The following RFXANK variants were observed in gnomAD, a reference collection of about 807,000 sequenced individuals.
RFXANK encodes the protein regulatory factor X associated ankyrin containing protein.
A neutral mutation model predicts 34.5 loss-of-function variants in RFXANK; 19 were observed. The observed-to-expected ratio is 0.55, with a 90% CI of 0.38 to 0.81. RFXANK has a LOEUF of 0.81. Among genes scored for constraint, RFXANK ranks in the 30% least tolerant of loss-of-function variants. RFXANK has a pLI of 0.00. For synonymous variants in RFXANK, 154 were observed against 149.8 expected, an observed-to-expected ratio of 1.03 and a Z score of -0.20; for missense variants, 295 against 343.5, an observed-to-expected ratio of 0.86 and a Z score of 1.12.
At chr19:19,197,662 G>T (rs1187965109) in intron 6 of RFXANK, 41 bp downstream of exon 6, 3 of 1,581,250 alleles carry the variant, frequency 1.9e-6, no homozygotes, top group Non-Finnish European at 2.6e-6. Context: ...GGTTCCCGGG[G>T]GCCTTAGGGT....
At chr19:19,195,946 TAGTC>T (rs1247155303) in intron 3 of RFXANK, among the ~76,000 whole-genome samples, 3 of 151,716 alleles carry the variant, frequency 2.0e-5, no homozygotes, top group Admixed American at 2.0e-4. Flanking sequence ...TTCACCATGT[TAGTC>T]AGGCTGGTCT....
intron 3 of RFXANK, 97 bp from the exon 4 acceptor site, chr19:19,196,866 A>G: frequency 8.5e-7 from 1 of 1,174,496 alleles, no homozygotes; most frequent in Middle Eastern, 1.9e-4. Flanking sequence ...CTCCATCTCA[A>G]ACAACAACAG....
chr19:19,194,156 A>ATTG (rs753327382), intron 3 of RFXANK, 23 bp downstream of exon 3: 4 of 1,610,842 alleles, frequency 2.5e-6, no homozygotes, highest in Admixed American at 1.7e-5. Context: ...CTCTGGGATT[A>ATTG]GCCCTCTGGG....
At position 19,194,078 on chromosome 19, in the gene RFXANK, CT is replaced by C; in HGVS notation, c.133del (p.Cys45AlafsTer6). 6.2e-7 allele frequency: 1 copy of C among 1,614,220 alleles called. No homozygotes were observed. Among genetic ancestry groups the C allele is most frequent in the Non-Finnish European group, 8.5e-7 (1 of 1,180,048 alleles). ...ACACTGTGGTCCTCAGTCTCTTTCC[CT>C]GCACCCCTGAGCCTGTGAATCCTGA... ...SDTVVLSLFP[C>X]TPEPVNPEPD... On this transcript the variant is annotated frameshift_variant, in exon 3 of 10. Transcript: ENST00000303088. LOFTEE classifies it high-confidence loss of function.
Position 19,193,028 on chromosome 19 carries a change from T to C in RFXANK, c.-81T>C, listed in dbSNP as rs1272441635. 2 of 152,176 alleles carry C rather than the reference T, an allele frequency of 1.3e-5. No individual in the cohort carries two copies. The highest frequency in any genetic ancestry group is 2.9e-5 in the Non-Finnish European group (2 of 68,068). The allele number at this position is 152,176 out of a possible 1,614,324, so 9.4% of individuals were successfully genotyped here. ...GCTATATCCATTGGAAGAGAAAAGT[T>C]TGTGACTTGGGCCCCCAAGTTTTGA... On this transcript the variant is annotated 5_prime_UTR_variant, in exon 2 of 10. Transcript: ENST00000303088.
Position 19,198,704 on chromosome 19 carries a change from A to T in RFXANK, c.612A>T (p.Lys204Asn). ...ACGCTGTGCGCGGGAACCACGTGAAATGCGTTGAGGCCTTGCTGGGTGAGT... is the reference window on the plus strand; with the variant it reads ...ACGCTGTGCGCGGGAACCACGTGAATTGCGTTGAGGCCTTGCTGGGTGAGT... The part of the protein sequence containing the change: ...LLYAVRGNHV[K>N]CVEALLARGA... The change falls in exon 8 of 10, where the codon AAA becomes AAT. Residue 204 changes from lysine to asparagine, a missense_variant. By Grantham distance (94) the Lys-to-Asn change is moderately conservative. Coordinates refer to ENST00000303088, the MANE Select transcript of RFXANK (RefSeq NM_003721.4). 6.2e-7 allele frequency: 1 copy of T among 1,613,998 alleles called. No individual in the cohort carries two copies. The highest frequency in any genetic ancestry group is 8.5e-7 in the Non-Finnish European group (1 of 1,180,030).
At chr19:19,199,261 G>A (rs1409998916) in intron 9 of RFXANK, 27 bp downstream of exon 9, 1 of 1,610,674 alleles carries the variant, frequency 6.2e-7, no homozygotes, top group South Asian at 1.1e-5. Flanking sequence ...CAGAGCAGGG[G>A]TGGGGTCCCT....
intron 2 of RFXANK, among the ~76,000 whole-genome samples, chr19:19,193,422 T>TC: frequency 7.0e-6 from 1 of 142,906 alleles, no homozygotes; most frequent in South Asian, 2.4e-4. Context: ...CTTTTTTTTT[T>TC]TTTTTTTTTT....
intron 2 of RFXANK, 128 bp from the exon 3 acceptor site, chr19:19,193,811 C>G: frequency 9.7e-7 from 1 of 1,035,790 alleles, no homozygotes; most frequent in Non-Finnish European, 1.5e-6. Context: ...ATTTCCCTGG[C>G]TCTGGTAATT....
chr19:19,194,043 G>C lies in RFXANK; in HGVS notation c.97G>C (p.Asp33His). Residue 33 changes from aspartate (D) to histidine (H), a missense_variant, in exon 3 of 10, where the codon GAT becomes CAT. By Grantham distance (81) the Asp-to-His change is moderately conservative. Coordinates refer to ENST00000303088, the MANE Select transcript of RFXANK (RefSeq NM_003721.4). Reference protein sequence around the residue: ...DPEDPGEEAADGSDTVVLSLF... With the variant: ...DPEDPGEEAAHGSDTVVLSLF... The stretch of plus-strand genomic sequence containing the variant: ...TGAAGACCCCGGAGAGGAGGCTGCA[G>C]ATGGCTCAGACACTGTGGTCCTCAG... 1 of 1,614,192 alleles carries C rather than the reference G, an allele frequency of 6.2e-7. No homozygotes were observed. The highest frequency in any genetic ancestry group is 8.5e-7 in the Non-Finnish European group (1 of 1,180,032).
chr19:19,194,190 G>A, intron 3 of RFXANK, 57 bp downstream of exon 3: 2 of 1,524,608 alleles, frequency 1.3e-6, no homozygotes, highest in Non-Finnish European at 9.1e-7. Flanking sequence ...GGAATGTCAG[G>A]CCTCACATGG....
chr19:19,197,739 T>C (rs1171832420), intron 6 of RFXANK, 118 bp downstream of exon 6: 7 of 936,562 alleles, frequency 7.5e-6, no homozygotes, highest in South Asian at 7.0e-5. Context: ...CTGGGTGCAG[T>C]GGCTCATGCC....
intron 3 of RFXANK, among the ~76,000 whole-genome samples, chr19:19,195,504 C>T (rs1339526291): frequency 6.6e-6 from 1 of 151,540 alleles, no homozygotes; most frequent in Admixed American, 6.6e-5. Flanking sequence ...GGAGTTTTGC[C>T]ATGTTGCCCA....
intron 7 of RFXANK, 112 bp downstream of exon 7, chr19:19,198,344 A>G: frequency 2.7e-6 from 4 of 1,483,372 alleles, no homozygotes; most frequent in Non-Finnish European, 3.7e-6. Flanking sequence ...CGAGAACACG[A>G]GACAGCCCCA....
chr19:19,201,234 C>T (rs2060709088), intron 9 of RFXANK, among the ~76,000 whole-genome samples: 1 of 152,128 alleles, frequency 6.6e-6, no homozygotes, highest in Non-Finnish European at 1.5e-5. Flanking sequence ...GCCACCAAGC[C>T]CAGCCTAATT....
At position 19,198,383 on chromosome 19, in the gene RFXANK, A is replaced by G. The variant is rs1320624916; in HGVS notation, c.564+151A>G. Reference sequence around the variant, plus strand: ...CCAGCCTCACAGAGCAGAGCTCCCCATGCAGGGAAGGCAGACATGGAAACA... The same window carrying G: ...CCAGCCTCACAGAGCAGAGCTCCCCGTGCAGGGAAGGCAGACATGGAAACA... On this transcript the variant is annotated intron_variant, in intron 7 of 9. Coordinates refer to ENST00000303088, the MANE Select transcript of RFXANK (RefSeq NM_003721.4). 1.3e-5 allele frequency: 17 copies of G among 1,287,182 alleles called. No homozygotes were observed. The South Asian group carries it at 1.5e-4, about 12-fold the overall frequency. 79.7% of individuals were successfully genotyped at this position (1,287,182 alleles called of 1,614,324 possible).
chr19:19,199,654 G>A (rs190140456), intron 9 of RFXANK, among the ~76,000 whole-genome samples: 3 of 152,250 alleles, frequency 2.0e-5, no homozygotes, highest in Admixed American at 6.5e-5. Flanking sequence ...GAGGGAGAAT[G>A]GCATCCAGGT....
At chr19:19,199,952 T>A (rs1311241935) in intron 9 of RFXANK, among the ~76,000 whole-genome samples, 1 of 152,172 alleles carries the variant, frequency 6.6e-6, no homozygotes, top group Non-Finnish European at 1.5e-5. Flanking sequence ...TTACTGTGTT[T>A]GGGACAGAAA....
chr19:19,201,620 C>T lies in RFXANK; in HGVS notation c.713-29C>T, dbSNP rs766600219. The T allele has an allele frequency of 5.6e-6, 9 of 1,613,780 alleles. No homozygotes were observed. In the African/African-American group the frequency reaches 1.2e-4, roughly 22 times the overall value. On this transcript the variant is annotated intron_variant, in intron 9 of 9. Coordinates refer to ENST00000303088, the MANE Select transcript of RFXANK (RefSeq NM_003721.4). ...CCACCCCACTCCCGATTCAAGCTCA[C>T]AGCCCACCTTTTCCCTGCCCCATCT...
Sources: allele counts gnomAD v4.1 joint callset (sites outside exome capture counted in the v4.1 genomes callset), GRCh38; gene constraint gnomAD v4.1.1; transcripts MANE v1.5; gene names NCBI Gene and HGNC (gene_info 2026-07-23, HGNC 2026-07-21).